Variants in FANCM observed in about 807,000 individuals in gnomAD.
FANCM encodes the protein FA complementation group M.
A neutral mutation model predicts 199.5 loss-of-function variants in FANCM; 140 were observed. That is an observed-to-expected ratio of 0.70 (90% CI 0.61 to 0.81). FANCM has a LOEUF of 0.81. Among genes scored for constraint, FANCM ranks in the 30% least tolerant of loss-of-function variants. The probability of loss-of-function intolerance (pLI) is 0.00; values close to 1 mark genes in which losing one functional copy is unlikely to be tolerated. For missense variants in FANCM, 2,410 were observed against 2,421.4 expected (o/e 1.00, Z 0.10); for synonymous variants, 840 against 836.8 (o/e 1.00, Z -0.07).
chr14:45,166,705 G>C (rs1332623927), intron 10 of FANCM, among the ~76,000 whole-genome samples: 1 of 151,530 alleles, frequency 6.6e-6, no homozygotes, highest in Non-Finnish European at 1.5e-5. Flanking sequence ...GAGCCCAGGA[G>C]GTTGAGGCTG....
At chr14:45,177,414 G>A (rs1456489780) in intron 14 of FANCM, among the ~76,000 whole-genome samples, 1 of 151,834 alleles carries the variant, frequency 6.6e-6, no homozygotes, top group South Asian at 2.1e-4. Flanking sequence ...TTTTTGAGAC[G>A]GAGTTTTGCT....
intron 9 of FANCM, among the ~76,000 whole-genome samples, chr14:45,163,526 T>G (rs1887752659): frequency 6.6e-6 from 1 of 152,222 alleles, no homozygotes; most frequent in Non-Finnish European, 1.5e-5. Context: ...TTCATTAACT[T>G]TTTCATTAAC....
At chr14:45,154,089 T>G in intron 6 of FANCM, 37 bp downstream of exon 6, 1 of 1,444,572 alleles carries the variant, frequency 6.9e-7, no homozygotes, top group East Asian at 2.3e-5. Context: ...AATAATGACA[T>G]GTATTATTTT....
intron 17 of FANCM, among the ~76,000 whole-genome samples, chr14:45,184,940 ATTTTTTT>A (rs1176189406): frequency 1.3e-3 from 178 of 139,116 alleles, no homozygotes; most frequent in African/African-American, 4.5e-3. Flanking sequence ...CACCCTGCCA[ATTTTTTT>A]TTTTTTTTGT....
At chr14:45,163,474 C>T (rs937025914) in intron 9 of FANCM, among the ~76,000 whole-genome samples, 3 of 152,202 alleles carry the variant, frequency 2.0e-5, no homozygotes, top group Admixed American at 6.5e-5. Flanking sequence ...GAAACTGAGG[C>T]TCAGAGCAGT....
chr14:45,183,985 A>G (rs1434463844), intron 17 of FANCM, 83 bp downstream of exon 17: 16 of 1,000,256 alleles, frequency 1.6e-5, no homozygotes, highest in South Asian at 3.2e-5. Context: ...AGATTTCTCT[A>G]TACATTCTCT....
Position 45,167,056 on chromosome 14 carries a change from G to T in FANCM, c.1895G>T (p.Gly632Val), listed in dbSNP as rs757274359. ...AGAAGTCCACGAATGGTTCCTGATGGAATCAACCCAAAATTACACAAAATG... is the reference window on the plus strand; with the variant it reads ...AGAAGTCCACGAATGGTTCCTGATGTAATCAACCCAAAATTACACAAAATG... ...YQRSPRMVPD[G>V]INPKLHKMFI... Residue 632 changes from glycine (G) to valine (V), a missense_variant, in exon 11 of 23, where the codon GGA (glycine) becomes GTA (valine). Coordinates refer to ENST00000267430, the MANE Select transcript of FANCM (RefSeq NM_020937.4). 1 of 1,612,986 alleles carries T rather than the reference G, an allele frequency of 6.2e-7. No homozygotes were observed. Among genetic ancestry groups the T allele is most frequent in the South Asian group, 1.1e-5 (1 of 91,056 alleles).
At chr14:45,190,580 C>T (rs1262128963) in intron 20 of FANCM, among the ~76,000 whole-genome samples, 1 of 152,060 alleles carries the variant, frequency 6.6e-6, no homozygotes. Context: ...CAACCTTAAC[C>T]CCCTTACTAA....
chr14:45,181,387 C>T (rs1290368766), intron 14 of FANCM, 43 bp from the exon 15 acceptor site: 1 of 1,072,192 alleles, frequency 9.3e-7, no homozygotes, highest in Non-Finnish European at 1.4e-6. Context: ...TTGGGTAAAC[C>T]TAAATCTATT....
intron 13 of FANCM, 97 bp downstream of exon 13, chr14:45,173,307 G>C (rs1888460823): frequency 8.9e-7 from 1 of 1,129,812 alleles, no homozygotes; most frequent in Non-Finnish European, 1.3e-6. Context: ...GAAATACTTT[G>C]TTTTTCTGTA....
In FANCM at chr14:45,148,877, T is replaced by C. The variant is rs766034237; in HGVS notation, c.800T>C (p.Ile267Thr). 1 of 1,611,760 alleles carries C rather than the reference T, an allele frequency of 6.2e-7. No individual in the cohort carries two copies. Among genetic ancestry groups the C allele is most frequent in the Non-Finnish European group, 8.5e-7 (1 of 1,178,154 alleles). The change falls in exon 4 of 23, where the codon ATA becomes ACA. Residue 267 changes from isoleucine to threonine, a missense_variant. Ile to Thr is a moderately conservative substitution (Grantham distance 89). Transcript: ENST00000267430. ...QVITNLLIGQ[I>T]ELRSEDSPDI... ...ATTACTAACCTGCTAATTGGGCAGA[T>C]AGAGCTTCGTTCTGAAGATTCTCCA...
In FANCM at chr14:45,148,843, C is replaced by A; in HGVS notation, c.766C>A (p.Gln256Lys). ...ATPGSDIKAV[Q>K]QVITNLLIGQ... is the part of the protein sequence containing the mutation. ...CTTAATTGATTTCATATAGGCTGTG[C>A]AACAAGTTATTACTAACCTGCTAAT... The change falls in exon 4 of 23, where the codon CAA becomes AAA. Residue 256 changes from glutamine to lysine, a missense_variant. Transcript: ENST00000267430. 6.2e-7 allele frequency: 1 copy of A among 1,605,934 alleles called. No homozygotes were observed. The highest frequency in any genetic ancestry group is 8.5e-7 in the Non-Finnish European group (1 of 1,173,612).
Position 45,189,411 on chromosome 14 carries a change from TTTC to T in FANCM, c.5340+52_5340+54del, listed in dbSNP as rs749104190. 1.1e-5 allele frequency: 15 copies of T among 1,381,220 alleles called. No individual in the cohort carries two copies. In the Admixed American group the frequency reaches 2.6e-4, roughly 24 times the overall value. 85.6% of individuals were successfully genotyped at this position (1,381,220 alleles called of 1,614,324 possible). ...TATCTTTAGATGGTTACCAGAAGTT[TTTC>T]TTTTTCTTTCTTGTGTGTGTGTTTT... On this transcript the variant is annotated intron_variant, in intron 20 of 22. Transcript: ENST00000267430.
At position 45,182,702 on chromosome 14, in the gene FANCM, G is replaced by A. The variant is rs560100647; in HGVS notation, c.4386+997G>A. Among the ~76,000 whole-genome samples, 4 of 152,264 alleles carry A rather than the reference G, an allele frequency of 2.6e-5. No homozygotes were observed. The East Asian group carries it at 7.7e-4, about 29-fold the overall frequency. On this transcript the variant is annotated intron_variant, in intron 16 of 22. Transcript: ENST00000267430. ...TGTTTTAATTCTCGAATACAGTCTA[G>A]GATAATTTGTGTAAAATTACAGGTG... is the stretch of plus-strand genomic sequence containing the variant.
intron 3 of FANCM, among the ~76,000 whole-genome samples, chr14:45,141,305 AAAAG>A (rs1373585473): frequency 3.3e-5 from 5 of 151,076 alleles, no homozygotes; most frequent in Middle Eastern, 3.4e-3. Flanking sequence ...AAAAAAAAAA[AAAAG>A]AAAGCAAAAA....
chr14:45,199,559 T>C (rs895406579), intron 22 of FANCM, among the ~76,000 whole-genome samples: 1 of 152,188 alleles, frequency 6.6e-6, no homozygotes, highest in African/African-American at 2.4e-5. Context: ...TATCCACCTT[T>C]ATCAACTAAT....
At position 45,148,964 on chromosome 14, in the gene FANCM, A is replaced by G. The variant is rs1886628267; in HGVS notation, c.887A>G (p.Glu296Gly). 6.2e-7 allele frequency: 1 copy of G among 1,613,950 alleles called. No homozygotes were observed. Among genetic ancestry groups the G allele is most frequent in the African/African-American group, 1.3e-5 (1 of 75,044 alleles). Reference sequence around the variant, plus strand: ...AAGCTTATTGTTCCGCTTGGTGAAGAACTTGCAGCCATCCAAAAGACCTAT... The same window carrying G: ...AAGCTTATTGTTCCGCTTGGTGAAGGACTTGCAGCCATCCAAAAGACCTAT... ...VEKLIVPLGE[E>G]LAAIQKTYIQ... The change falls in exon 4 of 23, where the codon GAA becomes GGA. Residue 296 changes from glutamate to glycine, a missense_variant. Glu to Gly is a moderately conservative substitution (Grantham distance 98). Transcript: ENST00000267430.
chr14:45,148,155 C>A (rs1390642657), intron 3 of FANCM, among the ~76,000 whole-genome samples: 3 of 151,352 alleles, frequency 2.0e-5, no homozygotes, highest in African/African-American at 7.3e-5. Flanking sequence ...CGATATCGTG[C>A]CACTGTGCTC....
Position 45,149,002 on chromosome 14 carries a change from C to A in FANCM, c.918+7C>A. ...CCAAAAGACCTATATCCAGGTAAAC[C>A]ATTTTTATGACATTTAGGGATTTCA... On this transcript the variant is annotated splice_region_variant and intron_variant, in intron 4 of 22. Coordinates refer to ENST00000267430, the MANE Select transcript of FANCM (RefSeq NM_020937.4). 1.2e-6 allele frequency: 2 copies of A among 1,606,170 alleles called. No individual in the cohort carries two copies. Among genetic ancestry groups the A allele is most frequent in the Non-Finnish European group, 1.7e-6 (2 of 1,173,078 alleles).
Sources: allele counts gnomAD v4.1 joint callset (sites outside exome capture counted in the v4.1 genomes callset), GRCh38; gene constraint gnomAD v4.1.1; transcripts MANE v1.5; gene names NCBI Gene and HGNC (gene_info 2026-07-23, HGNC 2026-07-21).